The following SLC35D4 variants were observed in gnomAD, a reference collection of about 807,000 sequenced individuals.
The protein encoded by SLC35D4 is solute carrier family 35 member D4, also known as UDP-N-acetylglucosamine transporter SLC35D4.
chr18:23,246,572 T>C, the SLC35D4 span, among the ~76,000 whole-genome samples: 50 of 151,972 alleles, frequency 3.3e-4, no homozygotes, highest in Admixed American at 1.8e-3. Flanking sequence ...TTTGTGTTTT[T>C]AGTAGAGATG....
the SLC35D4 span, among the ~76,000 whole-genome samples, chr18:23,274,614 C>T: frequency 2.0e-5 from 3 of 152,184 alleles, no homozygotes; most frequent in Non-Finnish European, 4.4e-5. Context: ...TTCCCCTATT[C>T]CCCACTGGAA....
At chr18:23,306,748 T>TG in the SLC35D4 span, among the ~76,000 whole-genome samples, 9 of 152,140 alleles carry the variant, frequency 5.9e-5, no homozygotes, top group East Asian at 1.9e-4. Flanking sequence ...TGCTATTCCA[T>TG]GGGGGGGAAA....
chr18:23,238,725 C>T, the SLC35D4 span, among the ~76,000 whole-genome samples: 1 of 152,194 alleles, frequency 6.6e-6, no homozygotes. Flanking sequence ...TATTAAGCAA[C>T]ATGGCCAGGA....
At chr18:23,399,772 G>T in the SLC35D4 span, 1 of 835,324 alleles carries the variant, frequency 1.2e-6, no homozygotes, top group Non-Finnish European at 1.9e-6. Context: ...ATCCCTGGCA[G>T]ACTTGTTAAG....
chr18:23,344,055 C>T, the SLC35D4 span, among the ~76,000 whole-genome samples: 16 of 152,060 alleles, frequency 1.1e-4, no homozygotes, highest in East Asian at 5.8e-4. Context: ...CGTGCCACGA[C>T]GCCCAGCTAA....
the SLC35D4 span, among the ~76,000 whole-genome samples, chr18:23,364,914 A>G: frequency 5.4e-4 from 1 of 1,846 alleles, no homozygotes; most frequent in Admixed American, 0.012. Flanking sequence ...AAAAAAAAAA[A>G]AAAAAAAAAA....
At chr18:23,354,345 CAAAAAAAA>C in the SLC35D4 span, among the ~76,000 whole-genome samples, 4 of 99,124 alleles carry the variant, frequency 4.0e-5, no homozygotes, top group Admixed American at 2.5e-4. Flanking sequence ...ACTAAAAATA[CAAAAAAAA>C]AAAAAAAAAA....
At chr18:23,401,091 T>G in the SLC35D4 span, among the ~76,000 whole-genome samples, 1 of 152,246 alleles carries the variant, frequency 6.6e-6, no homozygotes, top group Non-Finnish European at 1.5e-5. Flanking sequence ...TTTAAATGTT[T>G]TATATACTGC....
the SLC35D4 span, among the ~76,000 whole-genome samples, chr18:23,248,100 C>T: frequency 6.6e-6 from 1 of 152,362 alleles, no homozygotes; most frequent in East Asian, 1.9e-4. Flanking sequence ...CTGGCGCGCT[C>T]TGCCACCCTT....
At chr18:23,417,117 G>A in the SLC35D4 span, among the ~76,000 whole-genome samples, 6 of 152,064 alleles carry the variant, frequency 3.9e-5, no homozygotes, top group Non-Finnish European at 8.8e-5. Flanking sequence ...TAGTGCACAC[G>A]TGTAGTCCCA....
At chr18:23,393,565 G>A in the SLC35D4 span, among the ~76,000 whole-genome samples, 1 of 152,138 alleles carries the variant, frequency 6.6e-6, no homozygotes, top group African/African-American at 2.4e-5. Flanking sequence ...CATCCATGTT[G>A]CAGCCAGGAT....
the SLC35D4 span, among the ~76,000 whole-genome samples, chr18:23,394,309 G>C: frequency 6.6e-6 from 1 of 152,162 alleles, no homozygotes; most frequent in Non-Finnish European, 1.5e-5. Flanking sequence ...AATGATTAAT[G>C]ATGTTGAGCC....
chr18:23,309,644 T>G, the SLC35D4 span: 35,497 of 1,594,280 alleles, frequency 0.022, 457 homozygotes, highest in Middle Eastern at 0.054. Flanking sequence ...ACTCAGTAAC[T>G]AATTGGCACT....
the SLC35D4 span, chr18:23,298,121 C>A: frequency 2.5e-6 from 4 of 1,607,482 alleles, no homozygotes; most frequent in South Asian, 1.1e-5. Context: ...CCCTGAGCTG[C>A]CTGGCGCCCA....
the SLC35D4 span, among the ~76,000 whole-genome samples, chr18:23,262,374 A>G: frequency 6.6e-6 from 1 of 152,186 alleles, no homozygotes; most frequent in Non-Finnish European, 1.5e-5. Flanking sequence ...GGGCTCACAG[A>G]TACAGCGTTA....
chr18:23,424,708 T>G, the SLC35D4 span, among the ~76,000 whole-genome samples: 11 of 152,266 alleles, frequency 7.2e-5, no homozygotes, highest in Admixed American at 3.3e-4. Flanking sequence ...GAAGACACTT[T>G]AAAACTTTTG....
the SLC35D4 span, among the ~76,000 whole-genome samples, chr18:23,264,876 C>T: frequency 2.0e-5 from 3 of 151,002 alleles, no homozygotes; most frequent in Non-Finnish European, 4.4e-5. Flanking sequence ...AACTTGTGGG[C>T]TCAAGCGATC....
At chr18:23,373,084 C>A in the SLC35D4 span, among the ~76,000 whole-genome samples, 1 of 152,058 alleles carries the variant, frequency 6.6e-6, no homozygotes, top group African/African-American at 2.4e-5. Context: ...GAGGCCGAGG[C>A]GGGCAAATCA....
At chr18:23,282,387 C>A in the SLC35D4 span, among the ~76,000 whole-genome samples, 24 of 152,312 alleles carry the variant, frequency 1.6e-4, no homozygotes, top group East Asian at 3.7e-3. Flanking sequence ...TAAACCACTG[C>A]GAGTCCGGCC....
Sources: gnomAD v4.1 joint callset for allele counts (sites outside exome capture counted in the v4.1 genomes callset) on GRCh38, gnomAD v4.1.1 for gene constraint, MANE v1.5 for transcripts, NCBI Gene and HGNC (gene_info 2026-07-23, HGNC 2026-07-21) for gene names.